Variants in CACNA2D1 observed in about 807,000 individuals in gnomAD.
CACNA2D1 encodes the protein voltage-dependent calcium channel subunit alpha-2/delta-1.
CACNA2D1 carries 53 observed loss-of-function variants against 171.5 expected under a neutral mutation model. The ratio of observed to expected loss-of-function variants is 0.31; its 90% CI spans 0.25 to 0.39. CACNA2D1 has a LOEUF of 0.39. CACNA2D1 is among the 10% of genes least tolerant of loss of function. The pLI is 1.00. For missense variants in CACNA2D1, 903 were observed against 1,299.8 expected (o/e 0.69, Z 4.69); for synonymous variants, 442 against 443.1 (o/e 1.00, Z 0.03).
chr7:82,158,355 C>T (rs1052438224), intron 4 of CACNA2D1, among the ~76,000 whole-genome samples: 1 of 151,804 alleles, frequency 6.6e-6, no homozygotes, highest in Admixed American at 6.6e-5. Context: ...CTTTTGCTAA[C>T]ACAATCAGTC....
chr7:82,391,790 TTAG>T (rs991126492), intron 1 of CACNA2D1, among the ~76,000 whole-genome samples: 1 of 152,176 alleles, frequency 6.6e-6, no homozygotes, highest in Non-Finnish European at 1.5e-5. Context: ...TAATGCAAAA[TTAG>T]TAGCAAGAAT....
intron 3 of CACNA2D1, among the ~76,000 whole-genome samples, chr7:82,221,569 A>G (rs780731962): frequency 2.6e-4 from 40 of 152,050 alleles, no homozygotes; most frequent in Non-Finnish European, 5.3e-4. Flanking sequence ...ACATGGTGAA[A>G]TCCCATCTCT....
At chr7:82,060,154 T>TATATATATATATTATATATATATATA (rs1806471134) in intron 10 of CACNA2D1, among the ~76,000 whole-genome samples, 5 of 34,790 alleles carry the variant, frequency 1.4e-4, no homozygotes, top group Non-Finnish European at 2.3e-4. Context: ...ATATATGTAT[T>TATATATATATATTATATATATATATA]ATATATATAT....
intron 6 of CACNA2D1, among the ~76,000 whole-genome samples, chr7:82,090,375 A>G (rs1811009695): frequency 2.0e-5 from 3 of 152,278 alleles, no homozygotes; most frequent in African/African-American, 7.2e-5. Flanking sequence ...GCTATTAAAG[A>G]TATGTAAGGG....
chr7:81,994,892 T>A lies in CACNA2D1; in HGVS notation c.1710A>T (p.Arg570Ser). The A allele has an allele frequency of 6.5e-7, 1 of 1,534,194 alleles. No individual in the cohort carries two copies. The highest frequency in any genetic ancestry group is 9.0e-7 in the Non-Finnish European group (1 of 1,107,588). Reference protein sequence around the residue: ...IDGESGEKTFRTLVKSQDERY... With the variant: ...IDGESGEKTFSTLVKSQDERY... ...CCTCATCTTGAGATTTAACCAGAGT[T>A]CTGAATGTTTTTTCTCCACTTTCCC... Residue 570 changes from arginine to serine, a missense_variant, in exon 20 of 39, where the codon AGA becomes AGT. Arg to Ser is a moderately radical substitution (Grantham distance 110). Coordinates refer to ENST00000356860, the MANE Select transcript of CACNA2D1 (RefSeq NM_000722.4).
intron 2 of CACNA2D1, among the ~76,000 whole-genome samples, chr7:82,342,148 T>C (rs1443703106): frequency 6.6e-6 from 1 of 151,248 alleles, no homozygotes; most frequent in Admixed American, 6.6e-5. Context: ...CCCTATAACC[T>C]AGCTTTTTGA....
chr7:82,380,517 TAG>T (rs1823576353), intron 1 of CACNA2D1, among the ~76,000 whole-genome samples: 1 of 152,304 alleles, frequency 6.6e-6, no homozygotes, highest in African/African-American at 2.4e-5. Context: ...CATATTTTTA[TAG>T]AGACAGGCGG....
intron 3 of CACNA2D1, among the ~76,000 whole-genome samples, chr7:82,181,072 T>TTTTTTTTTTTTTTTG (rs1797088485): frequency 7.5e-6 from 1 of 133,730 alleles, no homozygotes; most frequent in Non-Finnish European, 1.6e-5. Context: ...TTTTTTTTTT[T>TTTTTTTTTTTTTTTG]TTTTTGCGTC....
chr7:82,024,644 G>T (rs1801655974), intron 12 of CACNA2D1, among the ~76,000 whole-genome samples: 2 of 151,556 alleles, frequency 1.3e-5, no homozygotes, highest in African/African-American at 4.8e-5. Flanking sequence ...AAGAGTTTTA[G>T]CTTGATGTAG....
chr7:82,159,230 A>G (rs1401136677), intron 4 of CACNA2D1, among the ~76,000 whole-genome samples: 1 of 151,978 alleles, frequency 6.6e-6, no homozygotes, highest in Admixed American at 6.6e-5. Context: ...AACAAAATAA[A>G]TCCCAGTAAG....
At chr7:82,085,521 T>TAAA (rs1333024522) in intron 6 of CACNA2D1, among the ~76,000 whole-genome samples, 1 of 131,260 alleles carries the variant, frequency 7.6e-6, no homozygotes, top group Non-Finnish European at 1.7e-5. Flanking sequence ...CCTGCTACCT[T>TAAA]AAAAAAAAAA....
At chr7:82,252,889 GAA>G (rs1015015302) in intron 3 of CACNA2D1, among the ~76,000 whole-genome samples, 1 of 144,068 alleles carries the variant, frequency 6.9e-6, no homozygotes, top group Non-Finnish European at 1.5e-5. Flanking sequence ...GAATTCGTCA[GAA>G]AAAAAAAAAC....
rs202040993 is a variant in CACNA2D1, at chr7:82,443,473, G to A, written c.-14C>T. On this transcript the variant is annotated 5_prime_UTR_variant, in exon 1 of 39. Coordinates refer to ENST00000356860, the MANE Select transcript of CACNA2D1 (RefSeq NM_000722.4). Reference sequence around the variant, plus strand: ...GCCAGCAGCCATCTTCGCGATCGAAGATCAATGCCCCCTCCCTGCCCAAGC... The same window carrying A: ...GCCAGCAGCCATCTTCGCGATCGAAAATCAATGCCCCCTCCCTGCCCAAGC... The A allele has an allele frequency of 1.2e-4, 190 of 1,606,380 alleles. No homozygotes were observed. Among genetic ancestry groups the A allele is most frequent in the Middle Eastern group, 5.0e-4 (3 of 6,032 alleles).
At chr7:82,185,293 A>G (rs1031029867) in intron 3 of CACNA2D1, among the ~76,000 whole-genome samples, 4 of 151,026 alleles carry the variant, frequency 2.6e-5, no homozygotes, top group African/African-American at 9.8e-5. Flanking sequence ...ACCCCACTGC[A>G]TTCCACCACT....
intron 6 of CACNA2D1, among the ~76,000 whole-genome samples, chr7:82,095,863 A>T (rs1811798360): frequency 6.6e-6 from 1 of 152,180 alleles, no homozygotes; most frequent in South Asian, 2.1e-4. Flanking sequence ...TCAAATGTCC[A>T]TTTAATCCTG....
intron 1 of CACNA2D1, among the ~76,000 whole-genome samples, chr7:82,375,414 C>G (rs983224077): frequency 6.6e-6 from 1 of 152,158 alleles, no homozygotes; most frequent in African/African-American, 2.4e-5. Flanking sequence ...ACTGCAGGTG[C>G]CAAGATCAAA....
At chr7:82,009,580 A>C (rs1453318357) in intron 15 of CACNA2D1, among the ~76,000 whole-genome samples, 1 of 152,154 alleles carries the variant, frequency 6.6e-6, no homozygotes, top group Non-Finnish European at 1.5e-5. Flanking sequence ...GGTTTAAGAC[A>C]AGGTAGATAT....
chr7:82,185,501 AGGG>A (rs1212423706), intron 3 of CACNA2D1, among the ~76,000 whole-genome samples: 1 of 7,342 alleles, frequency 1.4e-4, no homozygotes, highest in Non-Finnish European at 3.5e-4. Context: ...GGGGGAGGGG[AGGG>A]GGAGGGGGAG....
chr7:82,075,757 C>CA (rs1056837220), intron 7 of CACNA2D1, among the ~76,000 whole-genome samples: 1 of 151,710 alleles, frequency 6.6e-6, no homozygotes, highest in African/African-American at 2.4e-5. Context: ...GAGTTTTTGA[C>CA]AAAAAAATCT....
Sources: gnomAD v4.1 joint callset for allele counts (sites outside exome capture counted in the v4.1 genomes callset) on GRCh38, gnomAD v4.1.1 for gene constraint, MANE v1.5 for transcripts, NCBI Gene and HGNC (gene_info 2026-07-23, HGNC 2026-07-21) for gene names.